The following KLHL1 variants were observed in gnomAD, a reference collection of about 807,000 sequenced individuals.
KLHL1 encodes the protein kelch like family member 1.
In KLHL1, 47 loss-of-function variants were observed where a neutral mutation model predicts 77.7. The ratio of observed to expected loss-of-function variants is 0.60; its 90% CI spans 0.48 to 0.77. KLHL1 has a LOEUF of 0.77. KLHL1 is among the 30% of genes least tolerant of loss of function. The pLI, the probability that KLHL1 is intolerant of heterozygous loss-of-function variation, is 0.00. For missense variants in KLHL1, 925 were observed against 910.8 expected (o/e 1.02, Z -0.20); for synonymous variants, 360 against 325.2 (o/e 1.11, Z -1.15).
chr13:69,749,840 T>C (rs536775027), intron 7 of KLHL1, among the ~76,000 whole-genome samples: 64 of 152,098 alleles, frequency 4.2e-4, no homozygotes, highest in Middle Eastern at 6.8e-3. Context: ...TTATTATTTT[T>C]CTTTACACTT....
At chr13:69,766,532 C>CA (rs1280624525) in intron 7 of KLHL1, among the ~76,000 whole-genome samples, 6 of 150,426 alleles carry the variant, frequency 4.0e-5, no homozygotes, top group Non-Finnish European at 8.9e-5. Context: ...ACTAAATGAG[C>CA]AAAAAATAAT....
At chr13:69,779,150 T>C (rs752905440) in intron 7 of KLHL1, among the ~76,000 whole-genome samples, 1 of 152,060 alleles carries the variant, frequency 6.6e-6, no homozygotes, top group Non-Finnish European at 1.5e-5. Context: ...ATTCCTAGCA[T>C]TAAAAAATCT....
rs9542132 is a variant in KLHL1 at position 69,962,254 on chromosome 13, T to C, written c.681-810A>G. On this transcript the variant is annotated intron_variant, in intron 2 of 10. Coordinates refer to ENST00000377844, the MANE Select transcript of KLHL1 (RefSeq NM_020866.3). Reference sequence around the variant, plus strand: ...ATACTATCTACTTTTTATTCTATTTTTGTTGGTTTGTTTTTCTGTTAGAAT... The same window carrying C: ...ATACTATCTACTTTTTATTCTATTTCTGTTGGTTTGTTTTTCTGTTAGAAT... Among the ~76,000 whole-genome samples the C allele has an allele frequency of 4.1e-3, 627 of 152,178 alleles. 1 individual carries two copies. The highest frequency in any genetic ancestry group is 6.8e-3 in the Non-Finnish European group (464 of 67,956).
chr13:69,999,313 C>T (rs1159332730), intron 1 of KLHL1, among the ~76,000 whole-genome samples: 13 of 149,246 alleles, frequency 8.7e-5, no homozygotes, highest in East Asian at 6.0e-4. Context: ...CGAAGATCAT[C>T]GGTGGTCACC....
chr13:69,772,109 G>A (rs983302136), intron 7 of KLHL1, among the ~76,000 whole-genome samples: 7 of 151,862 alleles, frequency 4.6e-5, no homozygotes, highest in East Asian at 3.9e-4. Flanking sequence ...CTGCCACCAC[G>A]CCCAGCTAAT....
chr13:69,772,238 T>C (rs1271479645), intron 7 of KLHL1, among the ~76,000 whole-genome samples: 1 of 151,966 alleles, frequency 6.6e-6, no homozygotes, highest in African/African-American at 2.4e-5. Flanking sequence ...CCCAAAGGTA[T>C]GGTATATCTA....
At chr13:69,739,309 T>C in intron 8 of KLHL1, among the ~76,000 whole-genome samples, 1 of 152,162 alleles carries the variant, frequency 6.6e-6, no homozygotes, top group Non-Finnish European at 1.5e-5. Context: ...CACTTAACTA[T>C]ACAGACCAGT....
chr13:69,843,652 G>A (rs1286634268), intron 5 of KLHL1, among the ~76,000 whole-genome samples: 1 of 151,576 alleles, frequency 6.6e-6, no homozygotes, highest in Non-Finnish European at 1.5e-5. Flanking sequence ...ATATGTTAGT[G>A]GTACAGTAAG....
intron 10 of KLHL1, among the ~76,000 whole-genome samples, chr13:69,702,993 C>A (rs1301013057): frequency 6.6e-6 from 1 of 151,628 alleles, no homozygotes; most frequent in East Asian, 1.9e-4. Flanking sequence ...TGTATGCAAA[C>A]CTAAGTTTAC....
intron 5 of KLHL1, among the ~76,000 whole-genome samples, chr13:69,853,212 G>C (rs1194818132): frequency 2.0e-5 from 3 of 151,932 alleles, no homozygotes; most frequent in Non-Finnish European, 4.4e-5. Context: ...ATCCCCACAT[G>C]TCATGGGAGG....
At chr13:70,088,639 C>G (rs544682044) in intron 1 of KLHL1, among the ~76,000 whole-genome samples, 1 of 151,964 alleles carries the variant, frequency 6.6e-6, no homozygotes, top group African/African-American at 2.4e-5. Flanking sequence ...GCTACAATCA[C>G]GCCACTGCAC....
At chr13:70,084,900 T>C (rs1454014947) in intron 1 of KLHL1, among the ~76,000 whole-genome samples, 1 of 152,070 alleles carries the variant, frequency 6.6e-6, no homozygotes, top group South Asian at 2.1e-4. Context: ...GAAAACAAGA[T>C]CTAAAACGCG....
intron 1 of KLHL1, among the ~76,000 whole-genome samples, chr13:70,054,004 T>A (rs138674164): frequency 1.2e-4 from 19 of 152,262 alleles, no homozygotes; most frequent in Non-Finnish European, 2.2e-4. Flanking sequence ...TTTGATGGCA[T>A]TTTGTTCCTC....
At chr13:69,702,540 G>A (rs980127158) in intron 10 of KLHL1, among the ~76,000 whole-genome samples, 5 of 151,552 alleles carry the variant, frequency 3.3e-5, no homozygotes, top group African/African-American at 1.2e-4. Flanking sequence ...AAAAGAAAGT[G>A]TATAAAATGT....
At chr13:69,764,546 A>G (rs1247299918) in intron 7 of KLHL1, among the ~76,000 whole-genome samples, 1 of 152,180 alleles carries the variant, frequency 6.6e-6, no homozygotes, top group Non-Finnish European at 1.5e-5. Context: ...AAAAAATGGC[A>G]CAAAGAAAAA....
chr13:69,940,072 C>T lies in KLHL1; in HGVS notation c.982G>A (p.Glu328Lys). 6.2e-7 allele frequency: 1 copy of T among 1,610,896 alleles called. No individual in the cohort carries two copies. Among genetic ancestry groups the T allele is most frequent in the Non-Finnish European group, 8.5e-7 (1 of 1,178,608 alleles). The change falls in exon 4 of 11, where the codon GAG (glutamate) becomes AAG (lysine). Residue 328 changes from glutamate to lysine, a missense_variant. Physicochemically the swap from Glu to Lys is moderately conservative, Grantham distance 56. Transcript: ENST00000377844. ...TAGCTGTGGGCCACCTTCATTAACTCAATGCATCCTTGAGCATCTGCGAAG... is the reference window on the plus strand; with the variant it reads ...TAGCTGTGGGCCACCTTCATTAACTTAATGCATCCTTGAGCATCTGCGAAG... ...RAFADAQGCI[E>K]LMKVAHSYTM...
rs148844852 is a variant in KLHL1 at position 69,935,461 on chromosome 13, A to G, written c.1014+4579T>C. ...AAAAACAAATATATATTATAAAGCC[A>G]GGAACTAAACAAGGACTCTAAAAAA... On this transcript the variant is annotated intron_variant, in intron 4 of 10. Transcript: ENST00000377844. Among the ~76,000 whole-genome samples, 1,521 of 152,310 alleles carry G rather than the reference A, an allele frequency of 1.0e-2. 13 individuals are homozygous for G. The highest frequency in any genetic ancestry group is 0.058 in the Middle Eastern group (17 of 294).
chr13:70,019,830 T>C (rs1283219129), intron 1 of KLHL1, among the ~76,000 whole-genome samples: 1 of 152,208 alleles, frequency 6.6e-6, no homozygotes, highest in Non-Finnish European at 1.5e-5. Context: ...GGGAACTTTA[T>C]CTCAAATGCG....
At chr13:69,851,313 C>T (rs1161835216) in intron 5 of KLHL1, among the ~76,000 whole-genome samples, 1 of 151,676 alleles carries the variant, frequency 6.6e-6, no homozygotes, top group Non-Finnish European at 1.5e-5. Flanking sequence ...AGTTCTTTTA[C>T]AAAATTATTT....
Sources: gnomAD v4.1 joint callset for allele counts (sites outside exome capture counted in the v4.1 genomes callset) on GRCh38, gnomAD v4.1.1 for gene constraint, MANE v1.5 for transcripts, NCBI Gene and HGNC (gene_info 2026-07-23, HGNC 2026-07-21) for gene names.